Variants in USP54 observed in about 807,000 individuals in gnomAD.
The protein encoded by USP54 is ubiquitin specific peptidase 54, also known as ubiquitin carboxyl-terminal hydrolase 54.
A neutral mutation model predicts 170.5 loss-of-function variants in USP54; 87 were observed. The observed-to-expected ratio is 0.51, with a 90% CI of 0.43 to 0.61. USP54 has a LOEUF of 0.61. Among genes scored for constraint, USP54 ranks in the 20% least tolerant of loss-of-function variants. USP54 has a pLI of 0.00. For synonymous variants in USP54, 655 were observed against 742.8 expected, an observed-to-expected ratio of 0.88 and a Z score of 1.92; for missense variants, 1,786 against 2,047.8, an observed-to-expected ratio of 0.87 and a Z score of 2.47.
intron 20 of USP54, among the ~76,000 whole-genome samples, chr10:73,515,323 T>C (rs1263093064): frequency 6.6e-6 from 1 of 152,176 alleles, no homozygotes; most frequent in African/African-American, 2.4e-5. Flanking sequence ...GGTAAAACCT[T>C]GGCCCTGGGA....
At chr10:73,608,116 C>T (rs968236130) in intron 1 of USP54, among the ~76,000 whole-genome samples, 1 of 151,760 alleles carries the variant, frequency 6.6e-6, no homozygotes, top group Admixed American at 6.6e-5. Flanking sequence ...AAAAATTAGC[C>T]GGGCATGGTA....
At chr10:73,607,004 G>A (rs892461142) in intron 1 of USP54, among the ~76,000 whole-genome samples, 1 of 151,372 alleles carries the variant, frequency 6.6e-6, no homozygotes, top group Non-Finnish European at 1.5e-5. Context: ...TATTTCTAGA[G>A]GCAGGAATTA....
Position 73,500,732 on chromosome 10 carries a change from A to G in USP54, c.4418T>C (p.Leu1473Pro). Residue 1473 changes from leucine to proline, a missense_variant, in exon 23 of 24, where the codon CTC (leucine) becomes CCC (proline). This residue lies in a region of USP54 where 1,418 missense variants were observed against 1,569.0 expected (regional missense o/e 0.90). Coordinates refer to ENST00000687698, the MANE Select transcript of USP54 (RefSeq NM_001391956.1). ...CAGGAACTGTGGTTGGGGAAGGTAG[A>G]GTTGGGGACCGAGGAGAAACACAGA... ...DPSVFLLGPQ[L>P]YLPQPQFLSP... 2 of 1,605,200 alleles carry G rather than the reference A, an allele frequency of 1.2e-6. No homozygotes were observed. Among genetic ancestry groups the G allele is most frequent in the Non-Finnish European group, 1.7e-6 (2 of 1,176,068 alleles).
chr10:73,528,627 T>C (rs2063410951), intron 15 of USP54, among the ~76,000 whole-genome samples: 5 of 151,526 alleles, frequency 3.3e-5, no homozygotes. Flanking sequence ...GGAGTTGCCA[T>C]GGCACGAGCT....
At chr10:73,603,027 T>G (rs967360705) in intron 1 of USP54, among the ~76,000 whole-genome samples, 1 of 152,100 alleles carries the variant, frequency 6.6e-6, no homozygotes, top group Non-Finnish European at 1.5e-5. Context: ...CACAAAAATC[T>G]AAGAAAGAAC....
intron 12 of USP54, among the ~76,000 whole-genome samples, chr10:73,533,316 G>A (rs1019677612): frequency 3.3e-5 from 5 of 151,718 alleles, no homozygotes; most frequent in Admixed American, 1.3e-4. Flanking sequence ...AAAAAAAAAG[G>A]TGTTATAATG....
chr10:73,589,358 A>G (rs1236023839), intron 1 of USP54, among the ~76,000 whole-genome samples: 1 of 152,192 alleles, frequency 6.6e-6, no homozygotes, highest in Non-Finnish European at 1.5e-5. Context: ...GACAAACGAA[A>G]TGTTCTTTCT....
At chr10:73,601,180 A>C (rs567814487) in intron 1 of USP54, among the ~76,000 whole-genome samples, 1 of 152,338 alleles carries the variant, frequency 6.6e-6, no homozygotes, top group Admixed American at 6.5e-5. Flanking sequence ...CCAACACAGA[A>C]GTCTTCTAAT....
At chr10:73,599,519 G>C (rs2079003401) in intron 1 of USP54, among the ~76,000 whole-genome samples, 1 of 151,826 alleles carries the variant, frequency 6.6e-6, no homozygotes. Context: ...AAAGACATTT[G>C]TCTCTCTCTA....
intron 1 of USP54, among the ~76,000 whole-genome samples, chr10:73,591,048 G>A (rs918508969): frequency 6.7e-6 from 1 of 150,248 alleles, no homozygotes; most frequent in Admixed American, 6.6e-5. Flanking sequence ...TCTAATAATT[G>A]TAACAGAGAG....
intron 12 of USP54, among the ~76,000 whole-genome samples, chr10:73,531,282 C>T (rs1405391574): frequency 4.1e-5 from 6 of 148,046 alleles, no homozygotes; most frequent in Non-Finnish European, 7.4e-5. Context: ...CAGAGCAAGA[C>T]TGTCTCAAAA....
At chr10:73,582,990 A>C (rs1311284341) in intron 1 of USP54, among the ~76,000 whole-genome samples, 1 of 152,212 alleles carries the variant, frequency 6.6e-6, no homozygotes, top group Non-Finnish European at 1.5e-5. Context: ...AAAGGACACA[A>C]TTATTTCTGT....
rs1424362913 is a variant in USP54 at position 73,504,747 on chromosome 10, TCA to T, written c.4311+101_4311+102del. On this transcript the variant is annotated intron_variant, in intron 22 of 23. Coordinates refer to ENST00000687698, the MANE Select transcript of USP54 (RefSeq NM_001391956.1). The stretch of plus-strand genomic sequence containing the variant: ...TTTGCTGAGTACACAGGGCCTTTCC[TCA>T]CATTACAACCTTCACTTTCTCCCTG... 2.0e-6 allele frequency: 3 copies of T among 1,500,548 alleles called. No homozygotes were observed. In the Admixed American group the frequency reaches 5.6e-5, roughly 28 times the overall value. 93.0% of individuals were successfully genotyped at this position (1,500,548 alleles called of 1,614,324 possible).
chr10:73,621,192 A>C lies in USP54; in HGVS notation c.-18+4375T>G, dbSNP rs551162932. On this transcript the variant is annotated intron_variant, in intron 1 of 22. Coordinates refer to the USP54 transcript ENST00000339859. Reference sequence around the variant, plus strand: ...AAATAATACAAAGATGTAAAATTTGAATTTCAACCAGAAAACCGTACTTTG... The same window carrying C: ...AAATAATACAAAGATGTAAAATTTGCATTTCAACCAGAAAACCGTACTTTG... Among the ~76,000 whole-genome samples, 47 of 149,954 alleles carry C rather than the reference A, an allele frequency of 3.1e-4. 1 individual carries two copies. The highest frequency in any genetic ancestry group is 4.6e-4 in the Non-Finnish European group (31 of 67,980).
At chr10:73,575,729 C>A in intron 2 of USP54, 54 bp from the exon 3 acceptor site, 1 of 1,472,510 alleles carries the variant, frequency 6.8e-7, no homozygotes, top group Non-Finnish European at 9.0e-7. Context: ...TTTCTGTCTG[C>A]TAAAGTTCTA....
intron 18 of USP54, 81 bp downstream of exon 18, chr10:73,520,827 C>A: frequency 6.3e-7 from 1 of 1,589,184 alleles, no homozygotes. Flanking sequence ...CTGTTTTTAT[C>A]CTGTCTGAGT....
Position 73,534,655 on chromosome 10 carries a change from C to T in USP54, c.1260G>A (p.Gly420=). ...CATTTTCCACATTATAGATGACTGT[C>T]CCCTGAGAATCAGAAGAGAAGTGAC... is the stretch of plus-strand genomic sequence containing the variant. ...VVSHFSSDSQ[G]TVIYNVENDS... Residue 420 remains glycine, a synonymous_variant, in exon 12 of 24, where the codon GGG becomes GGA. Coordinates refer to ENST00000687698, the MANE Select transcript of USP54 (RefSeq NM_001391956.1). 1 of 1,614,142 alleles carries T rather than the reference C, an allele frequency of 6.2e-7. No homozygotes were observed. Among genetic ancestry groups the T allele is most frequent in the Non-Finnish European group, 8.5e-7 (1 of 1,180,024 alleles).
At chr10:73,603,841 G>A (rs926829518) in intron 1 of USP54, among the ~76,000 whole-genome samples, 3 of 151,524 alleles carry the variant, frequency 2.0e-5, no homozygotes, top group African/African-American at 7.3e-5. Context: ...CTCCAAAGAA[G>A]ATACACCAAT....
rs781640169 is a variant in USP54, at chr10:73,517,535, A to G, written c.2891T>C (p.Ile964Thr). 12 of 1,614,062 alleles carry G rather than the reference A, an allele frequency of 7.4e-6. No individual in the cohort carries two copies. The South Asian group carries it at 1.2e-4, about 16-fold the overall frequency. The change falls in exon 20 of 24, where the codon ATT becomes ACT. Residue 964 changes from isoleucine to threonine, a missense_variant. Ile to Thr is a moderately conservative substitution (Grantham distance 89, BLOSUM62 -1). Around this residue, in one of 3 missense-constraint regions of USP54, gnomAD observed 1,418 missense variants for 1,569.0 expected, o/e 0.90. Coordinates refer to ENST00000687698, the MANE Select transcript of USP54 (RefSeq NM_001391956.1). Reference protein sequence around the residue: ...KLLTSVEVDNIEPSAFHRQGL... With the variant: ...KLLTSVEVDNTEPSAFHRQGL... ...TTGCCTGTGGAATGCAGAGGGTTCAATGTTGTCTACTTCAACCGAAGTCAG... is the reference window on the plus strand; with the variant it reads ...TTGCCTGTGGAATGCAGAGGGTTCAGTGTTGTCTACTTCAACCGAAGTCAG...
Sources: gnomAD v4.1 joint callset for allele counts (sites outside exome capture counted in the v4.1 genomes callset) on GRCh38, gnomAD v4.1.1 for gene constraint, gnomAD v4.1.1 regional missense constraint, MANE v1.5 for transcripts, NCBI Gene and HGNC (gene_info 2026-07-23, HGNC 2026-07-21) for gene names.